ABCC8: variants seen among roughly 807,000 people sequenced by gnomAD.
ABCC8 encodes ATP binding cassette subfamily C member 8, also known as ATP-binding cassette sub-family C member 8.
A neutral mutation model predicts 188.0 loss-of-function variants in ABCC8; 137 were observed. The ratio of observed to expected loss-of-function variants is 0.73; its 90% confidence interval spans 0.63 to 0.84. The LOEUF (loss-of-function observed/expected upper bound fraction) is 0.84, where lower values mean the gene tolerates loss of function less well. Among genes scored for constraint, ABCC8 ranks in the 40% least tolerant of loss-of-function variants. The probability of loss-of-function intolerance (pLI) is 0.00; values close to 1 mark genes in which losing one functional copy is unlikely to be tolerated. For missense variants in ABCC8, 1,750 were observed against 2,072.7 expected (o/e 0.84, Z 3.02); for synonymous variants, 797 against 846.5 (o/e 0.94, Z 1.01).
intron 37 of ABCC8, 59 bp downstream of exon 37, chr11:17,394,207 C>T (rs1026347445): frequency 2.6e-5 from 41 of 1,590,210 alleles, no homozygotes; most frequent in Non-Finnish European, 3.2e-5. Context: ...AAATTTCTCC[C>T]TAGCATCCCA....
rs1440000663 is a variant in ABCC8, at chr11:17,406,781, G to T, written c.3170C>A (p.Thr1057Asn). The T allele has an allele frequency of 1.2e-6, 2 of 1,614,196 alleles. No individual in the cohort carries two copies. Among genetic ancestry groups the T allele is most frequent in the Admixed American group, 1.7e-5 (1 of 60,032 alleles). ...CATGGCATAGACAGTCTGGTCGAGGGTGCACTCCTTCACAGGCAGAGAGTG... is the reference window on the plus strand; with the variant it reads ...CATGGCATAGACAGTCTGGTCGAGGTTGCACTCCTTCACAGGCAGAGAGTG... ...ARNCSLSQECTLDQTVYAMVF... is the reference protein window; with the variant it reads ...ARNCSLSQECNLDQTVYAMVF... Residue 1057 changes from threonine to asparagine, a missense_variant, in exon 26 of 39, where the codon ACC (threonine) becomes AAC (asparagine). By Grantham distance (65) the Thr-to-Asn change is moderately conservative. Transcript: ENST00000389817.
At chr11:17,445,714 T>C (rs1290880165) in intron 8 of ABCC8, among the ~76,000 whole-genome samples, 1 of 151,502 alleles carries the variant, frequency 6.6e-6, no homozygotes, top group Non-Finnish European at 1.5e-5. Flanking sequence ...GTGGTAAAGG[T>C]ATATACAAAC....
chr11:17,449,440 G>A (rs1198594883), intron 7 of ABCC8, among the ~76,000 whole-genome samples: 1 of 152,184 alleles, frequency 6.6e-6, no homozygotes, highest in African/African-American at 2.4e-5. Context: ...GACTTTGGAA[G>A]GTCTGATGTG....
rs748931549 is a variant in ABCC8, at chr11:17,407,392, G to A, written c.2882C>T (p.Ser961Leu). The A allele has an allele frequency of 2.5e-6, 4 of 1,614,126 alleles. No individual in the cohort carries two copies. The highest frequency in any genetic ancestry group is 2.5e-6 in the Non-Finnish European group (3 of 1,180,042). Reference protein sequence around the residue: ...PPQGLSRAMSSRDGLLQDEEE... With the variant: ...PPQGLSRAMSLRDGLLQDEEE... ...CTCATCCTGCAGAAGGCCATCCCTC[G>A]AGGACATGGCACGAGATAGGCCCTG... is the stretch of plus-strand genomic sequence containing the variant. The change falls in exon 24 of 39, where the codon TCG (serine) becomes TTG (leucine). Residue 961 changes from serine to leucine, a missense_variant. Physicochemically the swap from Ser to Leu is moderately radical, Grantham distance 145 (BLOSUM62 -2). Transcript: ENST00000389817.
chr11:17,451,088 G>A (rs926541038), intron 7 of ABCC8, among the ~76,000 whole-genome samples: 3 of 152,106 alleles, frequency 2.0e-5, no homozygotes, highest in Non-Finnish European at 2.9e-5. Flanking sequence ...TGATAAAAAC[G>A]ATTATATGCT....
At chr11:17,443,743 A>G (rs1044792832) in intron 8 of ABCC8, among the ~76,000 whole-genome samples, 2 of 152,236 alleles carry the variant, frequency 1.3e-5, no homozygotes, top group East Asian at 3.8e-4. Context: ...CCCATGCCAG[A>G]AAAAACCAGC....
chr11:17,433,525 C>G (rs972896557), intron 10 of ABCC8, among the ~76,000 whole-genome samples: 1 of 152,272 alleles, frequency 6.6e-6, no homozygotes, highest in Non-Finnish European at 1.5e-5. Context: ...TGGTCCCCAA[C>G]TTCAGGGAAT....
chr11:17,455,904 A>T (rs1400982087), intron 6 of ABCC8, among the ~76,000 whole-genome samples: 1 of 144,458 alleles, frequency 6.9e-6, no homozygotes, highest in Non-Finnish European at 1.5e-5. Context: ...GCGCCAGTGC[A>T]CTCCAGCCTG....
intron 6 of ABCC8, 138 bp from the exon 7 acceptor site, chr11:17,453,421 T>C: frequency 2.5e-6 from 3 of 1,206,860 alleles, no homozygotes; most frequent in Non-Finnish European, 3.5e-6. Flanking sequence ...TGCAATTGTT[T>C]ATGAGTGAAA....
chr11:17,396,185 G>C (rs971976128), intron 33 of ABCC8: 1 of 776,710 alleles, frequency 1.3e-6, no homozygotes, highest in African/African-American at 1.8e-5. Flanking sequence ...TGTGGGTCTG[G>C]GTGTGCCGGG....
chr11:17,393,081 C>T lies in ABCC8; in HGVS notation c.4656G>A (p.Lys1552=), dbSNP rs145386421. ...TATCGAACTCAAGGATGGCACCCCGCTTCAGGACGATCACCAGGTCTGCAC... is the reference window on the plus strand; with the variant it reads ...TATCGAACTCAAGGATGGCACCCCGTTTCAGGACGATCACCAGGTCTGCAC... ...ILSADLVIVL[K]RGAILEFDKP... The change falls in exon 39 of 39, where the codon AAG becomes AAA. Residue 1552 remains lysine, a synonymous_variant. Coordinates refer to ENST00000389817, the MANE Select transcript of ABCC8 (RefSeq NM_000352.6). The T allele has an allele frequency of 2.5e-4, 397 of 1,614,056 alleles. 2 individuals are homozygous for T. The African/African-American group carries it at 3.2e-3, about 13-fold the overall frequency.
At chr11:17,473,104 G>A (rs1848569075) in intron 2 of ABCC8, among the ~76,000 whole-genome samples, 1 of 152,198 alleles carries the variant, frequency 6.6e-6, no homozygotes, top group African/African-American at 2.4e-5. Flanking sequence ...CAGAAAGCCT[G>A]AATGACTTGT....
In ABCC8 at chr11:17,456,301, A is replaced by G. The variant is rs998855119; in HGVS notation, c.1012-3018T>C. ...CTTCATGCCCCCATGTACTTTCTAC[A>G]GAAGTTATTACACATTTTGCATTTG... On this transcript the variant is annotated intron_variant, in intron 6 of 38. Transcript: ENST00000389817. Among the ~76,000 whole-genome samples the G allele has an allele frequency of 5.3e-5, 8 of 152,216 alleles. No individual in the cohort carries two copies. In the East Asian group the frequency reaches 1.3e-3, roughly 26 times the overall value.
intron 16 of ABCC8, among the ~76,000 whole-genome samples, chr11:17,423,379 A>AAAAAAG: frequency 1.3e-5 from 2 of 150,528 alleles, no homozygotes; most frequent in African/African-American, 4.9e-5. Context: ...AAAAAAAAAA[A>AAAAAAG]GCAGGGGCCA....
chr11:17,445,642 G>A (rs1956495220), intron 8 of ABCC8, among the ~76,000 whole-genome samples: 1 of 152,242 alleles, frequency 6.6e-6, no homozygotes, highest in Non-Finnish European at 1.5e-5. Context: ...TTTGCCATGG[G>A]GCTGGGATTG....
chr11:17,401,067 G>T (rs1178506904), intron 29 of ABCC8, among the ~76,000 whole-genome samples: 2 of 152,214 alleles, frequency 1.3e-5, no homozygotes, highest in African/African-American at 4.8e-5. Flanking sequence ...CCTGATCTGA[G>T]GCTGTTTACA....
Position 17,415,253 on chromosome 11 carries a change from G to A in ABCC8, c.2291+51C>T, listed in dbSNP as rs1266030675. On this transcript the variant is annotated intron_variant, in intron 18 of 38. Transcript: ENST00000389817. ...TGATGTGGCTCCCTTGGGCCTGAGA[G>A]CACCCTGGAGGGAGTTGACCCTGGG... 5.0e-6 allele frequency: 8 copies of A among 1,584,584 alleles called. No individual in the cohort carries two copies. In the Admixed American group the frequency reaches 9.2e-5, roughly 18 times the overall value.
At chr11:17,447,330 C>T (rs922068116) in intron 8 of ABCC8, among the ~76,000 whole-genome samples, 2 of 152,238 alleles carry the variant, frequency 1.3e-5, no homozygotes, top group Non-Finnish European at 2.9e-5. Flanking sequence ...ATCAATCATG[C>T]TGACGATTCT....
chr11:17,448,607 G>C lies in ABCC8; in HGVS notation c.1241C>G (p.Ala414Gly), dbSNP rs1272693993. The C allele has an allele frequency of 1.2e-6, 2 of 1,614,054 alleles. No individual in the cohort carries two copies. Among genetic ancestry groups the C allele is most frequent in the Non-Finnish European group, 1.7e-6 (2 of 1,180,032 alleles). The change falls in exon 8 of 39, where the codon GCT becomes GGT. Residue 414 changes from alanine to glycine, a missense_variant. Transcript: ENST00000389817. ...TSNLSMGEMT[A>G]GQICNLVAID... ...GGCAACCAGATTACAGATCTGTCCA[G>C]CAGTCATTTCTCCCATGGACAGGTT...
Sources: allele counts gnomAD v4.1 joint callset (sites outside exome capture counted in the v4.1 genomes callset), GRCh38; gene constraint gnomAD v4.1.1; transcripts MANE v1.5; gene names NCBI Gene and HGNC (gene_info 2026-07-23, HGNC 2026-07-21).